RBFOX3: variants seen among roughly 807,000 people sequenced by gnomAD.
The protein encoded by RBFOX3 is RNA binding fox-1 homolog 3, also known as RNA binding protein fox-1 homolog 3.
A neutral mutation model predicts 48.7 loss-of-function variants in RBFOX3; 17 were observed. The ratio of observed to expected loss-of-function variants is 0.35; its 90% CI spans 0.24 to 0.52. The LOEUF is 0.52. Ranked by LOEUF, RBFOX3 falls within the 20% of genes least tolerant of loss-of-function variation. RBFOX3 has a pLI of 0.94. For missense variants in RBFOX3, 382 were observed against 497.5 expected (o/e 0.77, Z 2.21); for synonymous variants, 212 against 209.5 (o/e 1.01, Z -0.10).
chr17:79,565,120 T>C (rs2092406667), intron 1 of RBFOX3, among the ~76,000 whole-genome samples: 1 of 127,640 alleles, frequency 7.8e-6, no homozygotes, highest in Non-Finnish European at 1.8e-5. Context: ...AATATCATTC[T>C]AATTTTATTT....
chr17:79,625,946 G>A, the RBFOX3 span, among the ~76,000 whole-genome samples: 6 of 152,258 alleles, frequency 3.9e-5, no homozygotes, highest in African/African-American at 1.4e-4. Flanking sequence ...GAGAGCGAGG[G>A]GGTTTGGGGG....
intron 4 of RBFOX3, among the ~76,000 whole-genome samples, chr17:79,217,310 A>G (rs2059185484): frequency 6.6e-6 from 1 of 152,162 alleles, no homozygotes; most frequent in African/African-American, 2.4e-5. Flanking sequence ...AGGTGGAGAT[A>G]TGTTCACTCG....
At chr17:79,129,970 G>A (rs1296770108) in intron 4 of RBFOX3, among the ~76,000 whole-genome samples, 3 of 152,140 alleles carry the variant, frequency 2.0e-5, no homozygotes, top group Non-Finnish European at 4.4e-5. Flanking sequence ...GAGCAAATGG[G>A]AGCTCTGCAG....
At chr17:79,463,566 C>A (rs1186268219) in intron 2 of RBFOX3, among the ~76,000 whole-genome samples, 1 of 147,720 alleles carries the variant, frequency 6.8e-6, no homozygotes, top group African/African-American at 2.5e-5. Context: ...GACACCTCCA[C>A]CACCATCGCC....
At chr17:79,470,163 C>T (rs1367098101) in intron 2 of RBFOX3, among the ~76,000 whole-genome samples, 1 of 152,116 alleles carries the variant, frequency 6.6e-6, no homozygotes, top group Non-Finnish European at 1.5e-5. Context: ...AAGGGCCCTG[C>T]GAATGTTGGA....
In RBFOX3 at chr17:79,212,288, C is replaced by T. The variant is rs539094232; in HGVS notation, c.-34+23478G>A. Among the ~76,000 whole-genome samples the T allele has an allele frequency of 1.2e-4, 19 of 152,254 alleles. No individual in the cohort carries two copies. The South Asian group carries it at 2.5e-3, about 20-fold the overall frequency. On this transcript the variant is annotated intron_variant, in intron 4 of 14. Coordinates refer to ENST00000693108, the MANE Select transcript of RBFOX3 (RefSeq NM_001350451.2). This position sits in a 1 kb window ranked among gnomAD's most constrained non-coding sequence, Gnocchi z 4.7. The stretch of plus-strand genomic sequence containing the variant: ...GGCTGGGGCTGGGGCAGGGCTGCTC[C>T]GCCTGGGCTCCTACGTGACTCCTTT...
intron 3 of RBFOX3, among the ~76,000 whole-genome samples, chr17:79,306,155 GCCAGATAAC>G (rs1319480469): frequency 6.6e-6 from 1 of 152,232 alleles, no homozygotes. Context: ...GGCTGCTGCA[GCCAGATAAC>G]GCCAGCCTGA....
chr17:79,440,447 C>A (rs1311394797), intron 2 of RBFOX3, among the ~76,000 whole-genome samples: 1 of 152,144 alleles, frequency 6.6e-6, no homozygotes, highest in Non-Finnish European at 1.5e-5. Context: ...CCAGCTGGGG[C>A]TCCATTGGCT....
chr17:79,235,316 G>A (rs2061506489), intron 4 of RBFOX3: 1 of 152,024 alleles, frequency 6.6e-6, no homozygotes, highest in African/African-American at 2.4e-5. Context: ...CCAGGCCATG[G>A]AGATGAGTTG....
chr17:79,637,492 G>A, the RBFOX3 span, among the ~76,000 whole-genome samples: 14,583 of 151,690 alleles, frequency 0.096, 1,579 homozygotes, highest in African/African-American at 0.27. Flanking sequence ...TCAGGAGTTC[G>A]AGACCAGCCT....
At chr17:79,570,822 GGAGTGGGC>G (rs1245501193) in intron 1 of RBFOX3, among the ~76,000 whole-genome samples, 3 of 152,186 alleles carry the variant, frequency 2.0e-5, no homozygotes, top group African/African-American at 7.2e-5. Flanking sequence ...CATCTTTCCA[GGAGTGGGC>G]CTGTGGGCCG....
intron 2 of RBFOX3, among the ~76,000 whole-genome samples, chr17:79,315,690 C>T (rs1306287427): frequency 6.6e-6 from 1 of 152,248 alleles, no homozygotes; most frequent in Non-Finnish European, 1.5e-5. Context: ...TGGTCGACAG[C>T]GACAGTTTCA....
chr17:79,222,458 C>T (rs950460490), intron 4 of RBFOX3, among the ~76,000 whole-genome samples: 1 of 152,234 alleles, frequency 6.6e-6, no homozygotes, highest in African/African-American at 2.4e-5. Flanking sequence ...TTTGGGGAAG[C>T]TCCTGTTCTT....
chr17:79,157,854 C>T (rs1259418958), intron 4 of RBFOX3, among the ~76,000 whole-genome samples: 3 of 152,190 alleles, frequency 2.0e-5, no homozygotes, highest in Non-Finnish European at 2.9e-5. Flanking sequence ...GGTCACCGCA[C>T]GTCTGGAGAC....
chr17:79,505,861 C>A (rs1226144692), intron 1 of RBFOX3, among the ~76,000 whole-genome samples: 1 of 152,210 alleles, frequency 6.6e-6, no homozygotes, highest in Non-Finnish European at 1.5e-5. Flanking sequence ...GCATAGCCTG[C>A]ATATTTCACT....
At chr17:79,177,342 C>T (rs72856449) in intron 4 of RBFOX3, among the ~76,000 whole-genome samples, 6 of 152,202 alleles carry the variant, frequency 3.9e-5, no homozygotes, top group African/African-American at 7.2e-5. Flanking sequence ...CCTCCAAGGA[C>T]GGCAGCCGTT....
intron 1 of RBFOX3, among the ~76,000 whole-genome samples, chr17:79,595,090 C>T (rs960046855): frequency 2.6e-5 from 4 of 152,112 alleles, no homozygotes; most frequent in Non-Finnish European, 5.9e-5. Context: ...TGACGCTCCC[C>T]ATCCCACCCT....
chr17:79,230,095 G>A (rs901879203), intron 4 of RBFOX3, among the ~76,000 whole-genome samples: 6 of 152,158 alleles, frequency 3.9e-5, no homozygotes, highest in Admixed American at 6.5e-5. Flanking sequence ...CTCACTGGGG[G>A]CAAGGGGGGT....
chr17:79,176,630 CT>C (rs2050608691), intron 4 of RBFOX3, among the ~76,000 whole-genome samples: 1 of 152,210 alleles, frequency 6.6e-6, no homozygotes, highest in African/African-American at 2.4e-5. Context: ...CAAGCCAAGT[CT>C]GCCTGGTGGA....
Sources: allele counts gnomAD v4.1 joint callset (sites outside exome capture counted in the v4.1 genomes callset), GRCh38; gene constraint gnomAD v4.1.1; non-coding constraint Gnocchi (gnomAD v3.1); transcripts MANE v1.5; gene names NCBI Gene and HGNC (gene_info 2026-07-23, HGNC 2026-07-21).